Variants in DAAM2 observed in about 807,000 individuals in gnomAD.
DAAM2 encodes the protein disheveled-associated activator of morphogenesis 2.
DAAM2 carries 39 observed loss-of-function variants against 120.7 expected under a neutral mutation model. The ratio of observed to expected loss-of-function variants is 0.32; its 90% confidence interval spans 0.25 to 0.42. The LOEUF (loss-of-function observed/expected upper bound fraction) is 0.42, where lower values mean the gene tolerates loss of function less well. DAAM2 is among the 10% of genes least tolerant of loss of function. The probability of loss-of-function intolerance (pLI) is 1.00; values close to 1 mark genes in which losing one functional copy is unlikely to be tolerated. For synonymous variants in DAAM2, 488 were observed against 524.9 expected (o/e 0.93, Z 0.96); for missense variants, 1,283 against 1,401.7 (o/e 0.92, Z 1.35).
In DAAM2 at chr6:39,901,237, C is replaced by A; in HGVS notation, c.2812-65C>A. ...TCTGCTCTGGCTAGAACCCAGCTAACCTCAGGGGCTGAGCCCAGCATGCTC... is the reference window on the plus strand; with the variant it reads ...TCTGCTCTGGCTAGAACCCAGCTAAACTCAGGGGCTGAGCCCAGCATGCTC... On this transcript the variant is annotated intron_variant, in intron 23 of 24. Coordinates refer to ENST00000274867, the MANE Select transcript of DAAM2 (RefSeq NM_001201427.2). This position sits in a 1 kb window ranked among gnomAD's most constrained non-coding sequence, Gnocchi z 4.5. 2 of 1,491,126 alleles carry A rather than the reference C, an allele frequency of 1.3e-6. No homozygotes were observed. The highest frequency in any genetic ancestry group is 2.3e-5 in the East Asian group (1 of 44,046). 92.4% of individuals were successfully genotyped at this position (1,491,126 alleles called of 1,614,324 possible).
chr6:39,891,832 CCAAAAA>C (rs985438735), intron 19 of DAAM2, 110 bp downstream of exon 19: 18 of 824,342 alleles, frequency 2.2e-5, no homozygotes, highest in East Asian at 1.1e-4. Flanking sequence ...TATTCTCAAC[CCAAAAA>C]CAAAAACAAA....
At chr6:39,873,167 C>A in intron 9 of DAAM2, 71 bp from the exon 10 acceptor site, 1 of 972,028 alleles carries the variant, frequency 1.0e-6, no homozygotes, top group Non-Finnish European at 1.6e-6. Context: ...TGGATGGAAG[C>A]AGGGTCTTCT....
intron 1 of DAAM2, among the ~76,000 whole-genome samples, chr6:39,799,310 T>A (rs550800930): frequency 2.0e-5 from 3 of 152,318 alleles, no homozygotes; most frequent in South Asian, 4.1e-4. Context: ...TGTGCCAAGA[T>A]AATTGGGAGT....
intron 1 of DAAM2, among the ~76,000 whole-genome samples, chr6:39,797,984 C>A (rs1043794031): frequency 6.6e-6 from 1 of 152,196 alleles, no homozygotes; most frequent in African/African-American, 2.4e-5. Flanking sequence ...TTCATTTGTG[C>A]TTTGCCTATG....
At chr6:39,894,596 G>T (rs60320623) in intron 19 of DAAM2, among the ~76,000 whole-genome samples, 1 of 143,516 alleles carries the variant, frequency 7.0e-6, no homozygotes, top group East Asian at 2.0e-4. Context: ...TAGTTTTATC[G>T]GTTTTGAACT....
At chr6:39,805,221 C>T (rs77329222) in intron 1 of DAAM2, among the ~76,000 whole-genome samples, 9 of 152,064 alleles carry the variant, frequency 5.9e-5, no homozygotes, top group African/African-American at 2.2e-4. Flanking sequence ...GTGCAGATTC[C>T]GGGAGTCAAA....
chr6:39,825,369 CAG>C (rs1197251591), intron 1 of DAAM2, among the ~76,000 whole-genome samples: 1 of 135,402 alleles, frequency 7.4e-6, no homozygotes, highest in Non-Finnish European at 1.5e-5. Context: ...AGCTGGGTGA[CAG>C]AGCAAGACTG....
chr6:39,897,201 T>C lies in DAAM2; in HGVS notation c.2537T>C (p.Ile846Thr), dbSNP rs759207407. Residue 846 changes from isoleucine to threonine, a missense_variant, in exon 21 of 25, where the codon ATC becomes ACC. Around this residue, in one of 3 missense-constraint regions of DAAM2, gnomAD observed 748 missense variants for 768.6 expected, o/e 0.97. Coordinates refer to ENST00000274867, the MANE Select transcript of DAAM2 (RefSeq NM_001201427.2). ...DRNISLLHYL[I>T]MILEKHFPDI... ...AACATCTCTCTGCTCCATTACCTGA[T>C]CATGATCCTGGAGAAGCATTTTCCT... 45 of 1,613,616 alleles carry C rather than the reference T, an allele frequency of 2.8e-5. No individual in the cohort carries two copies. In the African/African-American group the frequency reaches 5.1e-4, roughly 18 times the overall value.
At position 39,860,301 on chromosome 6, in the gene DAAM2, A is replaced by G. The variant is rs185738868; in HGVS notation, c.169-627A>G. 5.3e-5 allele frequency among the ~76,000 whole-genome samples: 8 copies of G among 152,100 alleles called. No individual in the cohort carries two copies. The East Asian group carries it at 9.7e-4, about 18-fold the overall frequency. On this transcript the variant is annotated intron_variant, in intron 2 of 24. Coordinates refer to ENST00000274867, the MANE Select transcript of DAAM2 (RefSeq NM_001201427.2). ...GGAGGGGCTGCCTCCAGCAGGCACT[A>G]CCTCCCTCGGAAGCAGATCAATGCC... is the stretch of plus-strand genomic sequence containing the variant.
At chr6:39,796,183 A>C (rs1255095567) in intron 1 of DAAM2, among the ~76,000 whole-genome samples, 2 of 152,208 alleles carry the variant, frequency 1.3e-5, no homozygotes, top group Non-Finnish European at 2.9e-5. Context: ...ACAAAGGAAC[A>C]TCTGATGTTA....
intron 17 of DAAM2, chr6:39,888,992 A>G (rs1179939626): frequency 3.2e-6 from 1 of 316,522 alleles, no homozygotes; most frequent in Non-Finnish European, 5.8e-6. Flanking sequence ...GCAAAGTCAG[A>G]TGAGGAAAAG....
At chr6:39,794,426 T>C (rs1446625010) in intron 1 of DAAM2, among the ~76,000 whole-genome samples, 1 of 152,152 alleles carries the variant, frequency 6.6e-6, no homozygotes, top group Non-Finnish European at 1.5e-5. Flanking sequence ...TTTTCAGAGC[T>C]TTTCCTCCAG....
intron 2 of DAAM2, among the ~76,000 whole-genome samples, chr6:39,856,900 C>T (rs1268148062): frequency 6.6e-6 from 1 of 152,180 alleles, no homozygotes; most frequent in Non-Finnish European, 1.5e-5. Context: ...TGTGGGCAGA[C>T]ACTGGGCACC....
chr6:39,890,695 C>T (rs1393618974), intron 17 of DAAM2, among the ~76,000 whole-genome samples: 2 of 152,176 alleles, frequency 1.3e-5, no homozygotes, highest in Non-Finnish European at 2.9e-5. Context: ...ACAAAAATCA[C>T]TGAACTGCAC....
intron 1 of DAAM2, among the ~76,000 whole-genome samples, chr6:39,795,206 T>A (rs116146866): frequency 0.02 from 2,983 of 152,322 alleles, 92 homozygotes; most frequent in Middle Eastern, 0.075. Context: ...GTAGATGGGA[T>A]GCATTCCAAG....
chr6:39,896,229 G>A (rs1352029295), intron 19 of DAAM2, among the ~76,000 whole-genome samples: 1 of 131,408 alleles, frequency 7.6e-6, no homozygotes, highest in East Asian at 2.1e-4. Flanking sequence ...TTGATACAGA[G>A]TCTCATGCTC....
chr6:39,831,923 A>G, intron 1 of DAAM2, among the ~76,000 whole-genome samples: 1 of 71,796 alleles, frequency 1.4e-5, no homozygotes, highest in Non-Finnish European at 2.4e-5. Flanking sequence ...CTGAAGGGGC[A>G]GATGCAGTGC....
At chr6:39,822,874 G>T (rs777076485) in intron 1 of DAAM2, 1 of 152,268 alleles carries the variant, frequency 6.6e-6, no homozygotes, top group Non-Finnish European at 1.5e-5. Flanking sequence ...CATAGCCTGG[G>T]TCCTCACCCC....
intron 1 of DAAM2, among the ~76,000 whole-genome samples, chr6:39,838,949 G>A (rs1763214080): frequency 6.7e-6 from 1 of 149,888 alleles, no homozygotes; most frequent in Admixed American, 6.6e-5. Flanking sequence ...GTGAGCCACC[G>A]TGCCTGGCCA....
Sources: gnomAD v4.1 joint callset for allele counts (sites outside exome capture counted in the v4.1 genomes callset) on GRCh38, gnomAD v4.1.1 for gene constraint, gnomAD v4.1.1 regional missense constraint, Gnocchi (gnomAD v3.1) non-coding constraint, MANE v1.5 for transcripts, NCBI Gene and HGNC (gene_info 2026-07-23, HGNC 2026-07-21) for gene names.